PKNOX2: variants seen among roughly 807,000 people sequenced by gnomAD.
PKNOX2 encodes homeobox protein PKNOX2.
Under a neutral mutation model 53.1 loss-of-function variants are expected in PKNOX2, and 14 were observed. The ratio of observed to expected loss-of-function variants is 0.26; its 90% confidence interval spans 0.17 to 0.41. The LOEUF is 0.41. Ranked by LOEUF, PKNOX2 falls within the 10% of genes least tolerant of loss-of-function variation. The pLI is 1.00. For missense variants in PKNOX2, 496 were observed against 602.8 expected, an observed-to-expected ratio of 0.82 and a Z score of 1.85; for synonymous variants, 257 against 242.8, an observed-to-expected ratio of 1.06 and a Z score of -0.54.
intron 1 of PKNOX2, among the ~76,000 whole-genome samples, chr11:125,209,475 T>C (rs1340116208): frequency 6.6e-6 from 1 of 151,728 alleles, no homozygotes; most frequent in African/African-American, 2.4e-5. Flanking sequence ...TGGGGTCAGC[T>C]TGGGAAGGAG....
At chr11:125,380,831 C>T (rs751884957) in intron 5 of PKNOX2, among the ~76,000 whole-genome samples, 2 of 152,216 alleles carry the variant, frequency 1.3e-5, no homozygotes, top group Admixed American at 6.5e-5. Context: ...AGCCTGCAGC[C>T]GAGACTGCTG....
At chr11:125,182,604 T>A (rs1956217220) in intron 1 of PKNOX2, among the ~76,000 whole-genome samples, 1 of 152,228 alleles carries the variant, frequency 6.6e-6, no homozygotes, top group Non-Finnish European at 1.5e-5. Context: ...AGATGTTACA[T>A]ACAACAGGCT....
rs1370821341 is a variant in PKNOX2 at position 125,189,437 on chromosome 11, GTGTGTGTGTGTATATATATATATATATA to G, written c.-201+24663_-201+24690del. Among the ~76,000 whole-genome samples, 36 of 57,266 alleles carry G rather than the reference GTGTGTGTGTGTATATATATATATATATA, an allele frequency of 6.3e-4. 1 individual carries two copies. The highest frequency in any genetic ancestry group is 2.3e-3 in the African/African-American group (33 of 14,224). 37.6% of individuals were successfully genotyped at this position (57,266 alleles called of 152,430 possible). Reference sequence around the variant, plus strand: ...TATGTGTGTGTGTGTGTGTGTGTGTGTGTGTGTGTGTATATATATATATATATATATATATATATATATATATATATAT... The same window carrying G: ...TATGTGTGTGTGTGTGTGTGTGTGTGTATATATATATATATATATATATAT... On this transcript the variant is annotated intron_variant, in intron 1 of 12. Transcript: ENST00000298282.
intron 3 of PKNOX2, among the ~76,000 whole-genome samples, chr11:125,349,676 C>T (rs1405993074): frequency 6.6e-6 from 1 of 152,216 alleles, no homozygotes; most frequent in Non-Finnish European, 1.5e-5. Flanking sequence ...ACACTCCCCA[C>T]ACTGTTCTCT....
chr11:125,372,303 C>T (rs1005672609), intron 5 of PKNOX2, among the ~76,000 whole-genome samples: 48 of 152,336 alleles, frequency 3.2e-4, no homozygotes, highest in African/African-American at 1.1e-3. Context: ...GTAGGGAAGA[C>T]GTGAGGCTCT....
At chr11:125,171,727 C>A (rs548048929) in intron 1 of PKNOX2, among the ~76,000 whole-genome samples, 2 of 152,232 alleles carry the variant, frequency 1.3e-5, no homozygotes, top group South Asian at 2.1e-4. Flanking sequence ...AGGTCACTGG[C>A]GTCTTCAACC....
intron 2 of PKNOX2, among the ~76,000 whole-genome samples, chr11:125,258,398 T>C (rs1944579502): frequency 6.6e-6 from 1 of 152,188 alleles, no homozygotes; most frequent in African/African-American, 2.4e-5. Flanking sequence ...CCAGATTTCA[T>C]TTTTATTAAA....
At chr11:125,411,086 C>T in intron 9 of PKNOX2, 1 of 523,310 alleles carries the variant, frequency 1.9e-6, no homozygotes, top group Non-Finnish European at 3.4e-6. Flanking sequence ...CCTGGGGTTA[C>T]ATCAAAGGAT....
chr11:125,211,675 A>C (rs1357464308), intron 1 of PKNOX2, among the ~76,000 whole-genome samples: 1 of 152,070 alleles, frequency 6.6e-6, no homozygotes, highest in Non-Finnish European at 1.5e-5. Context: ...GCTCAGGCCC[A>C]GCTGCCCAGG....
intron 2 of PKNOX2, among the ~76,000 whole-genome samples, chr11:125,244,211 A>G (rs1943385886): frequency 6.6e-6 from 1 of 152,262 alleles, no homozygotes; most frequent in Non-Finnish European, 1.5e-5. Flanking sequence ...TCCAAATGTC[A>G]GCAAGGCTGA....
At chr11:125,239,339 C>T (rs1375531404) in intron 2 of PKNOX2, among the ~76,000 whole-genome samples, 1 of 152,206 alleles carries the variant, frequency 6.6e-6, no homozygotes, top group Non-Finnish European at 1.5e-5. Context: ...GGAATGCCCG[C>T]TTTCCAGAGA....
At chr11:125,379,825 C>T (rs907715145) in intron 5 of PKNOX2, among the ~76,000 whole-genome samples, 12 of 152,190 alleles carry the variant, frequency 7.9e-5, no homozygotes, top group Admixed American at 5.9e-4. Context: ...TTAAACCCAA[C>T]GATGGCTTAA....
At chr11:125,330,593 C>A (rs1950084213) in intron 2 of PKNOX2, among the ~76,000 whole-genome samples, 1 of 152,036 alleles carries the variant, frequency 6.6e-6, no homozygotes, top group Admixed American at 6.6e-5. Flanking sequence ...CTCCCAGCAC[C>A]CTTGGCTTCC....
intron 1 of PKNOX2, among the ~76,000 whole-genome samples, chr11:125,216,538 C>T (rs541790583): frequency 1.2e-4 from 19 of 152,306 alleles, no homozygotes; most frequent in Admixed American, 1.2e-3. Context: ...GTTCCCTTCC[C>T]ACCCCTTTCC....
At chr11:125,267,718 G>A (rs556837630) in intron 2 of PKNOX2, among the ~76,000 whole-genome samples, 6 of 152,086 alleles carry the variant, frequency 3.9e-5, no homozygotes, top group South Asian at 4.2e-4. Flanking sequence ...GTGTATGCAC[G>A]TGTGTGTGTG....
At chr11:125,365,742 A>T (rs577938968) in intron 4 of PKNOX2, among the ~76,000 whole-genome samples, 2 of 152,296 alleles carry the variant, frequency 1.3e-5, no homozygotes, top group South Asian at 2.1e-4. Flanking sequence ...TTTCTAATCC[A>T]TGCAATTGTC....
intron 3 of PKNOX2, among the ~76,000 whole-genome samples, chr11:125,337,378 G>A (rs1034546512): frequency 1.6e-4 from 24 of 152,132 alleles, no homozygotes; most frequent in Admixed American, 1.6e-3. Flanking sequence ...TTATATCAAC[G>A]AGTGGGAAAT....
At chr11:125,234,821 G>A (rs2135566969) in intron 1 of PKNOX2, among the ~76,000 whole-genome samples, 1 of 152,246 alleles carries the variant, frequency 6.6e-6, no homozygotes, top group East Asian at 1.9e-4. Flanking sequence ...GTAGAGGAGG[G>A]CATGAACCTC....
chr11:125,411,717 T>C (rs368879020), intron 9 of PKNOX2, 29 bp from the exon 10 acceptor site: 2 of 1,613,622 alleles, frequency 1.2e-6, no homozygotes, highest in Non-Finnish European at 1.7e-6. Context: ...AGGCTGCTGA[T>C]GCTGATTTTC....
Sources: gnomAD v4.1 joint callset for allele counts (sites outside exome capture counted in the v4.1 genomes callset) on GRCh38, gnomAD v4.1.1 for gene constraint, MANE v1.5 for transcripts, NCBI Gene and HGNC (gene_info 2026-07-23, HGNC 2026-07-21) for gene names.